Variants in NUP153 observed in about 807,000 individuals in gnomAD.
NUP153 encodes the protein nucleoporin 153.
Under a neutral mutation model 134.6 loss-of-function variants are expected in NUP153, and 27 were observed. The ratio of observed to expected loss-of-function variants is 0.20; its 90% confidence interval spans 0.15 to 0.28. NUP153 has a LOEUF of 0.28. Among genes scored for constraint, NUP153 ranks in the 10% least tolerant of loss-of-function variants. The pLI is 1.00. For synonymous variants in NUP153, 640 were observed against 623.5 expected (o/e 1.03, Z -0.40); for missense variants, 1,821 against 1,731.3 (o/e 1.05, Z -0.92).
chr6:17,653,109 C>T (rs1766600335), intron 11 of NUP153, among the ~76,000 whole-genome samples: 2 of 152,028 alleles, frequency 1.3e-5, no homozygotes, highest in Admixed American at 1.3e-4. Flanking sequence ...AAAAATTAGC[C>T]GGGCATGGCA....
In NUP153 at chr6:17,632,522, T is replaced by A. The variant is rs190138556; in HGVS notation, c.2659+128A>T. ...ATATAACTAAAACATCTCAGGATAA[T>A]CTCATTTTATATTAATTTTCAAGAG... On this transcript the variant is annotated intron_variant, in intron 17 of 21. Coordinates refer to ENST00000262077, the MANE Select transcript of NUP153 (RefSeq NM_005124.4). 2.6e-3 allele frequency: 1,695 copies of A among 647,258 alleles called. 6 individuals are homozygous for A. Among genetic ancestry groups the A allele is most frequent in the Middle Eastern group, 0.018 (43 of 2,372 alleles). 40.1% of individuals were successfully genotyped at this position (647,258 alleles called of 1,614,324 possible).
Position 17,675,919 on chromosome 6 carries a change from C to A in NUP153, c.335-149G>T. The A allele has an allele frequency of 1.4e-6, 1 of 718,402 alleles. No individual in the cohort carries two copies. 44.5% of individuals were successfully genotyped at this position (718,402 alleles called of 1,614,324 possible). ...CCCATAATAAGCCCAATATAACATA[C>A]TCCTAGGCAAAACAAAGTTTCAACT... is the stretch of plus-strand genomic sequence containing the variant. On this transcript the variant is annotated intron_variant, in intron 2 of 21. Coordinates refer to ENST00000262077, the MANE Select transcript of NUP153 (RefSeq NM_005124.4). This position sits in a 1 kb window ranked among gnomAD's most constrained non-coding sequence, Gnocchi z 4.4.
chr6:17,689,539 CTT>C (rs200562896), intron 1 of NUP153, among the ~76,000 whole-genome samples: 13 of 143,658 alleles, frequency 9.0e-5, no homozygotes, highest in Admixed American at 1.4e-4. Flanking sequence ...ACGGTAACTT[CTT>C]TTTTTTTTTT....
chr6:17,702,876 G>A (rs1280355301), intron 1 of NUP153, among the ~76,000 whole-genome samples: 1 of 130,160 alleles, frequency 7.7e-6, no homozygotes, highest in Non-Finnish European at 1.7e-5. Flanking sequence ...GAATTTGTCT[G>A]CACAACTTCA....
At chr6:17,654,559 A>G (rs181298687) in intron 11 of NUP153, among the ~76,000 whole-genome samples, 2 of 152,158 alleles carry the variant, frequency 1.3e-5, no homozygotes, top group Admixed American at 1.3e-4. Context: ...TGACCTCGTG[A>G]TCCGCCCACC....
intron 8 of NUP153, among the ~76,000 whole-genome samples, chr6:17,667,785 T>C (rs1767629478): frequency 6.6e-6 from 1 of 152,164 alleles, no homozygotes; most frequent in South Asian, 2.1e-4. Flanking sequence ...CAGCTATAAA[T>C]AAACTAACAA....
rs1440628259 is a variant in NUP153, at chr6:17,615,908, A to C, written c.*189T>G. On this transcript the variant is annotated 3_prime_UTR_variant, in exon 22 of 22. Coordinates refer to ENST00000262077, the MANE Select transcript of NUP153 (RefSeq NM_005124.4). The surrounding 1 kb of genome is among the most constrained non-coding windows in gnomAD (Gnocchi z 5.7). ...GAATCAGTCACCAGTCTAGCTATTT[A>C]TTTATTTAAAAAAGGGTGGGTGAGG... is the stretch of plus-strand genomic sequence containing the variant. The C allele has an allele frequency of 3.8e-6, 2 of 519,696 alleles. No individual in the cohort carries two copies. The highest frequency in any genetic ancestry group is 6.8e-6 in the Non-Finnish European group (2 of 294,678). 32.2% of individuals were successfully genotyped at this position (519,696 alleles called of 1,614,324 possible).
Position 17,628,886 on chromosome 6 carries a change from C to G in NUP153, c.3313G>C (p.Glu1105Gln), listed in dbSNP as rs1347633729. The G allele has an allele frequency of 6.2e-7, 1 of 1,614,222 alleles. No individual in the cohort carries two copies. Among genetic ancestry groups the G allele is most frequent in the Admixed American group, 1.7e-5 (1 of 60,024 alleles). ...ASVFVLGRTE[E>Q]KQQEPVTSTS... ...GAAGTGACAGGCTCTTGCTGTTTCT[C>G]TTCTGTCCTTCCCAAAACAAACACT... is the stretch of plus-strand genomic sequence containing the variant. Residue 1105 changes from glutamate to glutamine, a missense_variant, in exon 18 of 22, where the codon GAG becomes CAG. Glu to Gln is a conservative substitution (Grantham distance 29). Transcript: ENST00000262077. The surrounding 1 kb of genome is among the most constrained non-coding windows in gnomAD (Gnocchi z 5.4).
In NUP153 at chr6:17,678,352, CAAAA is replaced by C. The variant is rs11428582; in HGVS notation, c.335-2586_335-2583del. Among the ~76,000 whole-genome samples, 68 of 68,228 alleles carry C rather than the reference CAAAA, an allele frequency of 1.0e-3. 1 individual carries two copies. Among genetic ancestry groups the C allele is most frequent in the African/African-American group, 3.4e-3 (53 of 15,716 alleles). The allele number at this position is 68,228 out of a possible 152,430, so 44.8% of individuals were successfully genotyped here. On this transcript the variant is annotated intron_variant, in intron 2 of 21. Transcript: ENST00000262077. ...GCCTGGTTGACAGAACCCTCTGTCT[CAAAA>C]AAAAAAAAAAAAAAAAAAAGATTCT...
intron 20 of NUP153, among the ~76,000 whole-genome samples, chr6:17,624,222 C>T (rs769680514): frequency 2.6e-5 from 4 of 152,100 alleles, no homozygotes; most frequent in Admixed American, 6.5e-5. Flanking sequence ...AACTTCCTAA[C>T]GCAAATCCAA....
chr6:17,616,290 G>GGGGGGGGGGGGGGGGGGGGCC, intron 21 of NUP153, 109 bp from the exon 22 acceptor site: 1 of 473,894 alleles, frequency 2.1e-6, no homozygotes, highest in Middle Eastern at 3.1e-4. Context: ...GGTGGGGGGG[G>GGGGGGGGGGGGGGGGGGGGCC]AGTAGACTCA....
At chr6:17,664,284 G>T (rs1767379980) in intron 9 of NUP153, among the ~76,000 whole-genome samples, 1 of 152,022 alleles carries the variant, frequency 6.6e-6, no homozygotes, top group African/African-American at 2.4e-5. Context: ...CTTAACAGTT[G>T]AACAACTCAC....
In NUP153 at chr6:17,628,853, G is replaced by A. The variant is rs779209663; in HGVS notation, c.3346C>T (p.Leu1116=). The A allele has an allele frequency of 9.9e-6, 16 of 1,614,030 alleles. No individual in the cohort carries two copies. The Admixed American group carries it at 1.7e-4, about 17-fold the overall frequency. Residue 1116 remains leucine (L), a synonymous_variant, in exon 18 of 22, where the codon CTA becomes TTA. Coordinates refer to ENST00000262077, the MANE Select transcript of NUP153 (RefSeq NM_005124.4). The surrounding 1 kb of genome is among the most constrained non-coding windows in gnomAD (Gnocchi z 5.4). ...KQQEPVTSTS[L]VFGKKADNEE... Reference sequence around the variant, plus strand: ...TTGTCAGCTTTCTTCCCAAAAACTAGGGAAGTAGAAGTGACAGGCTCTTGC... The same window carrying A: ...TTGTCAGCTTTCTTCCCAAAAACTAAGGAAGTAGAAGTGACAGGCTCTTGC...
chr6:17,678,958 A>G (rs963179633), intron 2 of NUP153, among the ~76,000 whole-genome samples: 4 of 151,202 alleles, frequency 2.6e-5, no homozygotes, highest in Non-Finnish European at 5.9e-5. Flanking sequence ...AAAAAAAAAA[A>G]AAAAATAAGT....
intron 12 of NUP153, 99 bp from the exon 13 acceptor site, chr6:17,648,004 T>G (rs1330113045): frequency 4.2e-6 from 3 of 722,012 alleles, no homozygotes; most frequent in South Asian, 1.7e-5. Context: ...CCAAAGACAC[T>G]AAGTATTTTT....
chr6:17,681,255 G>A (rs2113841200), intron 2 of NUP153, among the ~76,000 whole-genome samples: 2 of 151,728 alleles, frequency 1.3e-5, no homozygotes, highest in South Asian at 4.2e-4. Flanking sequence ...AAACAGAATA[G>A]AATGACGAAT....
chr6:17,697,322 A>C (rs1014121517), intron 1 of NUP153, among the ~76,000 whole-genome samples: 1 of 152,214 alleles, frequency 6.6e-6, no homozygotes, highest in African/African-American at 2.4e-5. Context: ...TACTACATAC[A>C]TATCAGGAAC....
At chr6:17,668,282 G>A (rs1201704622) in intron 8 of NUP153, among the ~76,000 whole-genome samples, 7 of 151,816 alleles carry the variant, frequency 4.6e-5, no homozygotes, top group African/African-American at 1.4e-4. Flanking sequence ...GTTTCACCAT[G>A]TTGTCCAGGC....
intron 2 of NUP153, among the ~76,000 whole-genome samples, chr6:17,682,572 C>A (rs531380144): frequency 2.0e-5 from 3 of 152,198 alleles, no homozygotes; most frequent in African/African-American, 7.2e-5. Flanking sequence ...CTAAATTATT[C>A]TGTAATCTTA....
Sources: gnomAD v4.1 joint callset for allele counts (sites outside exome capture counted in the v4.1 genomes callset) on GRCh38, gnomAD v4.1.1 for gene constraint, Gnocchi (gnomAD v3.1) non-coding constraint, MANE v1.5 for transcripts, NCBI Gene and HGNC (gene_info 2026-07-23, HGNC 2026-07-21) for gene names.